Variants in PEPD observed in about 807,000 individuals in gnomAD.
PEPD encodes the protein xaa-Pro dipeptidase.
In PEPD, 53 loss-of-function variants were observed where a neutral mutation model predicts 60.7. The ratio of observed to expected loss-of-function variants is 0.87; its 90% confidence interval spans 0.70 to 1.10. PEPD has a LOEUF of 1.10. Ranked by LOEUF, PEPD falls within the 50% of genes least tolerant of loss-of-function variation. The pLI is 0.00. For missense variants in PEPD, 711 were observed against 711.9 expected (o/e 1.00, Z 0.01); for synonymous variants, 267 against 284.1 (o/e 0.94, Z 0.60).
At chr19:33,407,783 G>T (rs923169829) in intron 11 of PEPD, among the ~76,000 whole-genome samples, 11 of 152,226 alleles carry the variant, frequency 7.2e-5, no homozygotes, top group Non-Finnish European at 1.3e-4. Flanking sequence ...AAAACCCCCG[G>T]AGGCTTGACG....
intron 4 of PEPD, chr19:33,493,541 G>A: frequency 1.5e-6 from 1 of 651,586 alleles, no homozygotes; most frequent in East Asian, 2.8e-5. Flanking sequence ...AGCCATCGAG[G>A]GGCAGAGAGG....
intron 9 of PEPD, among the ~76,000 whole-genome samples, chr19:33,416,716 C>A (rs1019111189): frequency 1.4e-4 from 21 of 152,362 alleles, no homozygotes; most frequent in African/African-American, 4.8e-4. Flanking sequence ...CCTTATGTGG[C>A]CATTCCTCTA....
chr19:33,440,742 G>C (rs1239024775), intron 9 of PEPD, among the ~76,000 whole-genome samples: 1 of 152,198 alleles, frequency 6.6e-6, no homozygotes, highest in Non-Finnish European at 1.5e-5. Flanking sequence ...AATGCACTAT[G>C]TATTTTACTT....
At chr19:33,391,547 G>A in intron 12 of PEPD, 68 bp from the exon 13 acceptor site, 4 of 1,409,534 alleles carry the variant, frequency 2.8e-6, no homozygotes, top group Non-Finnish European at 3.9e-6. Flanking sequence ...CCAGGGGCTG[G>A]GAGATGTGAA....
chr19:33,446,216 G>A (rs1030312121), intron 9 of PEPD, among the ~76,000 whole-genome samples: 3 of 152,062 alleles, frequency 2.0e-5, no homozygotes, highest in Non-Finnish European at 4.4e-5. Context: ...ACCCATCACG[G>A]CAGCCGCCAG....
chr19:33,508,031 C>G (rs1970846550), intron 3 of PEPD, among the ~76,000 whole-genome samples: 1 of 152,026 alleles, frequency 6.6e-6, no homozygotes, highest in Non-Finnish European at 1.5e-5. Flanking sequence ...AGGGGAGACC[C>G]CTGTTGGAAA....
chr19:33,457,385 C>G (rs925687073), intron 9 of PEPD, among the ~76,000 whole-genome samples: 1 of 152,148 alleles, frequency 6.6e-6, no homozygotes. Context: ...AAGCAGAGAT[C>G]GCCCCAGAGG....
At chr19:33,452,027 T>C (rs1389381483) in intron 9 of PEPD, among the ~76,000 whole-genome samples, 1 of 152,190 alleles carries the variant, frequency 6.6e-6, no homozygotes, top group Non-Finnish European at 1.5e-5. Context: ...CACCAAAGTA[T>C]ATATTCTAAA....
At chr19:33,448,899 CGGAAACTGCGTGTGTACTGGATGT>C (rs1969643788) in intron 9 of PEPD, among the ~76,000 whole-genome samples, 1 of 152,242 alleles carries the variant, frequency 6.6e-6, no homozygotes, top group Non-Finnish European at 1.5e-5. Flanking sequence ...CTGGGCCAAA[CGGAAACTGCGTGTGTACTGGATGT>C]GGCCCAGAGG....
At chr19:33,499,256 A>G (rs977577490) in intron 4 of PEPD, among the ~76,000 whole-genome samples, 1 of 152,202 alleles carries the variant, frequency 6.6e-6, no homozygotes, top group Non-Finnish European at 1.5e-5. Flanking sequence ...AACATAACAT[A>G]AAGATCCATC....
intron 9 of PEPD, among the ~76,000 whole-genome samples, chr19:33,452,374 A>C (rs1054957449): frequency 6.6e-5 from 10 of 152,224 alleles, no homozygotes; most frequent in South Asian, 2.1e-4. Flanking sequence ...AAATAAACTA[A>C]GATTCAACTA....
rs181614367 is a variant in PEPD, at chr19:33,398,253, T to C, written c.967+3468A>G. Among the ~76,000 whole-genome samples, 492 of 152,340 alleles carry C rather than the reference T, an allele frequency of 3.2e-3. 6 individuals carry two copies. Among genetic ancestry groups the C allele is most frequent in the African/African-American group, 0.011 (452 of 41,578 alleles). On this transcript the variant is annotated intron_variant, in intron 12 of 14. Coordinates refer to ENST00000244137, the MANE Select transcript of PEPD (RefSeq NM_000285.4). Reference sequence around the variant, plus strand: ...GGGTGTACAGGGTTGCTGGGCTTGGTGGGCCCCCGCCCCTCACAGGCTGCA... The same window carrying C: ...GGGTGTACAGGGTTGCTGGGCTTGGCGGGCCCCCGCCCCTCACAGGCTGCA...
intron 11 of PEPD, among the ~76,000 whole-genome samples, chr19:33,410,239 C>G (rs2145362061): frequency 6.6e-6 from 1 of 152,354 alleles, no homozygotes; most frequent in South Asian, 2.1e-4. Flanking sequence ...GCTGGCCCCA[C>G]CCAAGGTCTG....
At chr19:33,486,756 G>T (rs1430080058) in intron 6 of PEPD, 1 of 151,896 alleles carries the variant, frequency 6.6e-6, no homozygotes, top group Non-Finnish European at 1.5e-5. Flanking sequence ...AGGGGTCCTG[G>T]CCCAACCATC....
Position 33,512,460 on chromosome 19 carries a change from TCC to T in PEPD, c.201+131_201+132del, listed in dbSNP as rs1423050999. On this transcript the variant is annotated intron_variant, in intron 2 of 14. Coordinates refer to ENST00000244137, the MANE Select transcript of PEPD (RefSeq NM_000285.4). ...ATCTTCAAGGAGCCCCTGGACCACT[TCC>T]CAGGCGAGGAAACAGAGGCTCAGGG... 3.5e-6 allele frequency: 3 copies of T among 856,260 alleles called. No homozygotes were observed. The African/African-American group carries it at 5.0e-5, about 14-fold the overall frequency. 53.0% of individuals were successfully genotyped at this position (856,260 alleles called of 1,614,324 possible).
intron 9 of PEPD, among the ~76,000 whole-genome samples, chr19:33,433,774 T>C (rs1321443472): frequency 6.6e-6 from 1 of 152,250 alleles, no homozygotes; most frequent in African/African-American, 2.4e-5. Context: ...CATTTTACCG[T>C]GTCGGTCTGT....
rs1037587116 is a variant in PEPD, at chr19:33,489,925, G to A, written c.503+71C>T. 97 of 877,724 alleles carry A rather than the reference G, an allele frequency of 1.1e-4. 1 individual carries two copies. Among genetic ancestry groups the A allele is most frequent in the East Asian group, 1.8e-4 (7 of 38,672 alleles). 54.4% of individuals were successfully genotyped at this position (877,724 alleles called of 1,614,324 possible). A position where few individuals can be genotyped will look rare whatever the true frequency, so the allele number is the denominator to read the frequency against. On this transcript the variant is annotated intron_variant, in intron 6 of 14. Coordinates refer to ENST00000244137, the MANE Select transcript of PEPD (RefSeq NM_000285.4). ...ATAGTTCATGTCTTATTTGTAGACC[G>A]GGAAAGACCTGCTAGTGAAGGTGGG...
chr19:33,476,196 G>A (rs1481810052), intron 7 of PEPD, among the ~76,000 whole-genome samples: 1 of 152,144 alleles, frequency 6.6e-6, no homozygotes, highest in African/African-American at 2.4e-5. Context: ...AGGTGGCTGT[G>A]AACTTGAAGA....
intron 3 of PEPD, among the ~76,000 whole-genome samples, chr19:33,507,153 C>T (rs1170776248): frequency 6.6e-6 from 1 of 152,140 alleles, no homozygotes; most frequent in Non-Finnish European, 1.5e-5. Context: ...CTGAGCGCCC[C>T]TCCCTGCATA....
Sources: gnomAD v4.1 joint callset for allele counts (sites outside exome capture counted in the v4.1 genomes callset) on GRCh38, gnomAD v4.1.1 for gene constraint, MANE v1.5 for transcripts, NCBI Gene and HGNC (gene_info 2026-07-23, HGNC 2026-07-21) for gene names.